GRM5: variants seen among roughly 807,000 people sequenced by gnomAD.
GRM5 encodes glutamate metabotropic receptor 5.
A neutral mutation model predicts 83.1 loss-of-function variants in GRM5; 19 were observed. The observed-to-expected ratio is 0.23, with a 90% CI of 0.16 to 0.34. The LOEUF (loss-of-function observed/expected upper bound fraction) is 0.34. GRM5 is among the 10% of genes least tolerant of loss of function. GRM5 has a pLI of 1.00. For synonymous variants in GRM5, 675 were observed against 633.6 expected (o/e 1.07, Z -0.98); for missense variants, 1,160 against 1,588.3 (o/e 0.73, Z 4.58).
intron 2 of GRM5, among the ~76,000 whole-genome samples, chr11:88,860,432 G>A (rs1388093428): frequency 6.6e-6 from 1 of 152,076 alleles, no homozygotes; most frequent in African/African-American, 2.4e-5. Context: ...CAATGGGTCG[G>A]GTGGATCGGT....
intron 2 of GRM5, among the ~76,000 whole-genome samples, chr11:88,984,262 G>A (rs1939618074): frequency 6.6e-6 from 1 of 151,994 alleles, no homozygotes; most frequent in Admixed American, 6.6e-5. Flanking sequence ...TGACCTATAC[G>A]GGTGTACCAT....
chr11:88,516,605 C>T (rs184985102), intron 9 of GRM5, among the ~76,000 whole-genome samples: 1 of 152,260 alleles, frequency 6.6e-6, no homozygotes, highest in Non-Finnish European at 1.5e-5. Flanking sequence ...TGACTTAAAT[C>T]TGATGTACGA....
At chr11:88,826,350 C>G (rs971299242) in intron 3 of GRM5, among the ~76,000 whole-genome samples, 1 of 151,780 alleles carries the variant, frequency 6.6e-6, no homozygotes, top group African/African-American at 2.4e-5. Context: ...TTCTTAGACC[C>G]TAAGTTCTGT....
intron 3 of GRM5, among the ~76,000 whole-genome samples, chr11:88,793,157 A>G (rs1943209306): frequency 6.6e-6 from 1 of 152,164 alleles, no homozygotes; most frequent in South Asian, 2.1e-4. Context: ...CTAACTGAAT[A>G]ACTCATATCA....
chr11:88,798,738 T>C (rs1489881286), intron 3 of GRM5, among the ~76,000 whole-genome samples: 1 of 145,012 alleles, frequency 6.9e-6, no homozygotes, highest in African/African-American at 2.6e-5. Flanking sequence ...AAAGCTGGGA[T>C]TGAAATCCCT....
chr11:88,761,602 A>G (rs144783982), intron 3 of GRM5, among the ~76,000 whole-genome samples: 172 of 152,292 alleles, frequency 1.1e-3, no homozygotes, highest in African/African-American at 3.8e-3. Context: ...AAGAAGAATC[A>G]ACATCATTAA....
intron 3 of GRM5, among the ~76,000 whole-genome samples, chr11:88,806,466 A>G (rs1943500250): frequency 6.6e-6 from 1 of 152,200 alleles, no homozygotes; most frequent in Non-Finnish European, 1.5e-5. Flanking sequence ...GGTCAATTTA[A>G]TTATTAACAA....
intron 5 of GRM5, 136 bp from the exon 6 acceptor site, chr11:88,597,488 G>A (rs1591372205): frequency 1.2e-5 from 6 of 518,628 alleles, no homozygotes; most frequent in African/African-American, 7.9e-5. Flanking sequence ...AGTACACTTA[G>A]AATAACAAAA....
intron 8 of GRM5, among the ~76,000 whole-genome samples, chr11:88,535,263 C>G (rs1942108848): frequency 6.6e-6 from 1 of 152,180 alleles, no homozygotes; most frequent in African/African-American, 2.4e-5. Context: ...ATCAGATTCA[C>G]TTGCCACTTT....
intron 1 of GRM5, among the ~76,000 whole-genome samples, chr11:89,057,961 T>G (rs1941912097): frequency 6.6e-6 from 1 of 152,172 alleles, no homozygotes; most frequent in African/African-American, 2.4e-5. Flanking sequence ...AATCGAAGTT[T>G]AGAGGTCAAG....
intron 2 of GRM5, among the ~76,000 whole-genome samples, chr11:88,938,888 AAACT>A (rs947195014): frequency 6.6e-5 from 10 of 151,808 alleles, no homozygotes; most frequent in Middle Eastern, 3.2e-3. Flanking sequence ...GGTATCAAAC[AAACT>A]GTCTCCATTA....
intron 2 of GRM5, among the ~76,000 whole-genome samples, chr11:88,953,012 C>T (rs1938509059): frequency 6.6e-6 from 1 of 152,132 alleles, no homozygotes; most frequent in Admixed American, 6.5e-5. Flanking sequence ...GTTAAACTAT[C>T]TTTAATGCAA....
chr11:88,569,181 T>C (rs997410491), intron 7 of GRM5, among the ~76,000 whole-genome samples: 1 of 152,172 alleles, frequency 6.6e-6, no homozygotes, highest in Non-Finnish European at 1.5e-5. Context: ...GACATGGGCA[T>C]CAGGATTTTT....
chr11:88,626,963 C>T (rs1938815211), intron 4 of GRM5, among the ~76,000 whole-genome samples: 1 of 151,972 alleles, frequency 6.6e-6, no homozygotes, highest in South Asian at 2.1e-4. Context: ...TTCCAGCCTC[C>T]AGCGCTGTGA....
At chr11:88,766,631 G>A (rs1942629154) in intron 3 of GRM5, among the ~76,000 whole-genome samples, 1 of 151,962 alleles carries the variant, frequency 6.6e-6, no homozygotes, top group Non-Finnish European at 1.5e-5. Context: ...ATCGCATTCT[G>A]GACATAGGAC....
At chr11:88,674,659 C>A (rs890185214) in intron 3 of GRM5, among the ~76,000 whole-genome samples, 1 of 151,862 alleles carries the variant, frequency 6.6e-6, no homozygotes, top group Non-Finnish European at 1.5e-5. Flanking sequence ...CAGGAATCTG[C>A]TCCTTCCAGA....
At chr11:88,627,954 AAAAACATC>A (rs1260689165) in intron 4 of GRM5, among the ~76,000 whole-genome samples, 12 of 152,328 alleles carry the variant, frequency 7.9e-5, no homozygotes, top group African/African-American at 2.9e-4. Context: ...ATGCATGGTT[AAAAACATC>A]TTTTCAAACT....
At chr11:89,065,264 C>G (rs1346106811) in intron 1 of GRM5, among the ~76,000 whole-genome samples, 1 of 150,130 alleles carries the variant, frequency 6.7e-6, no homozygotes, top group East Asian at 2.0e-4. Context: ...AAATCCTTGC[C>G]TTTCGTGCAC....
intron 3 of GRM5, among the ~76,000 whole-genome samples, chr11:88,836,523 G>A (rs1192466417): frequency 6.6e-6 from 1 of 152,198 alleles, no homozygotes; most frequent in Non-Finnish European, 1.5e-5. Flanking sequence ...AAACAGGCCA[G>A]GCGCGGTGGC....
Sources: allele counts gnomAD v4.1 joint callset (sites outside exome capture counted in the v4.1 genomes callset), GRCh38; gene constraint gnomAD v4.1.1; transcripts MANE v1.5; gene names NCBI Gene and HGNC (gene_info 2026-07-23, HGNC 2026-07-21).